The following PIWIL2 variants were observed in gnomAD, a reference collection of about 807,000 sequenced individuals.
PIWIL2 encodes the protein piwi-like protein 2.
A neutral mutation model predicts 116.5 loss-of-function variants in PIWIL2; 81 were observed. The ratio of observed to expected loss-of-function variants is 0.70; its 90% CI spans 0.58 to 0.84. The LOEUF is 0.84. Ranked by LOEUF, PIWIL2 falls within the 40% of genes least tolerant of loss-of-function variation. The pLI is 0.00. For synonymous variants in PIWIL2, 489 were observed against 429.5 expected (o/e 1.14, Z -1.71); for missense variants, 1,272 against 1,212.3 (o/e 1.05, Z -0.73).
At chr8:22,299,059 T>C (rs1236538360) in intron 10 of PIWIL2, among the ~76,000 whole-genome samples, 1 of 152,210 alleles carries the variant, frequency 6.6e-6, no homozygotes, top group Admixed American at 6.5e-5. Flanking sequence ...TTTTCCAGTT[T>C]GTGGGAATTT....
At chr8:22,313,410 T>C (rs906476077) in intron 16 of PIWIL2, among the ~76,000 whole-genome samples, 3 of 152,250 alleles carry the variant, frequency 2.0e-5, no homozygotes, top group African/African-American at 7.2e-5. Flanking sequence ...TGGAATTGCA[T>C]ATGTGTGTAT....
At chr8:22,289,760 A>T (rs1358363680) in intron 8 of PIWIL2, 87 bp from the exon 9 acceptor site, 2 of 790,410 alleles carry the variant, frequency 2.5e-6, no homozygotes, top group Non-Finnish European at 4.4e-6. Context: ...AACCGTTCAG[A>T]CTTCCAAAGG....
At chr8:22,289,222 G>A (rs749359565) in intron 8 of PIWIL2, among the ~76,000 whole-genome samples, 13 of 148,484 alleles carry the variant, frequency 8.8e-5, no homozygotes, top group African/African-American at 1.2e-4. Flanking sequence ...GCGCAATCCC[G>A]GCTCACTGCA....
In PIWIL2 at chr8:22,283,193, G is replaced by A. The variant is rs1035995081; in HGVS notation, c.585G>A (p.Leu195=). The A allele has an allele frequency of 6.2e-7, 1 of 1,614,022 alleles. No individual in the cohort carries two copies. Among genetic ancestry groups the A allele is most frequent in the Non-Finnish European group, 8.5e-7 (1 of 1,179,934 alleles). Reference sequence around the variant, plus strand: ...CACCAGCTCTGCCCCAGTCTCCCCTGCACTCTCCAGATCGCCCTCTGGTCC... The same window carrying A: ...CACCAGCTCTGCCCCAGTCTCCCCTACACTCTCCAGATCGCCCTCTGGTCC... The part of the protein sequence containing the change: ...SSPPALPQSP[L]HSPDRPLVLT... Residue 195 remains leucine (L), a synonymous_variant, in exon 5 of 23, where the codon CTG becomes CTA. Coordinates refer to ENST00000356766, the MANE Select transcript of PIWIL2 (RefSeq NM_018068.5).
chr8:22,303,372 A>G (rs1045066967), intron 10 of PIWIL2, among the ~76,000 whole-genome samples: 3 of 152,160 alleles, frequency 2.0e-5, no homozygotes, highest in Admixed American at 6.5e-5. Context: ...GAGTATTTCA[A>G]AGTACGAAAT....
Position 22,355,588 on chromosome 8 carries a change from A to AATTC in PIWIL2, c.*84_*85insTTCA. ...ACTCTTGCAGAATCAACAGAGACTG[A>AATTC]AGTGGGCTTTTGTGTTATAATTTTC... On this transcript the variant is annotated 3_prime_UTR_variant, in exon 23 of 23. Coordinates refer to ENST00000356766, the MANE Select transcript of PIWIL2 (RefSeq NM_018068.5). 8.0e-7 allele frequency: 1 copy of AATTC among 1,253,138 alleles called. No homozygotes were observed. Among genetic ancestry groups the AATTC allele is most frequent in the Non-Finnish European group, 1.1e-6 (1 of 881,988 alleles). The allele number at this position is 1,253,138 out of a possible 1,614,324, so 77.6% of individuals were successfully genotyped here.
At chr8:22,294,108 C>T (rs1457070913) in intron 10 of PIWIL2, among the ~76,000 whole-genome samples, 3 of 151,974 alleles carry the variant, frequency 2.0e-5, no homozygotes, top group Admixed American at 6.6e-5. Context: ...GAGGCCGAGG[C>T]GGGAGGATCA....
At chr8:22,283,358 C>T (rs1830557198) in intron 5 of PIWIL2, 118 bp downstream of exon 5, 8 of 735,166 alleles carry the variant, frequency 1.1e-5, no homozygotes, top group South Asian at 4.9e-5. Context: ...AATAATACTG[C>T]GGGGTGTTTT....
At chr8:22,311,896 T>G (rs1831340636) in intron 16 of PIWIL2, among the ~76,000 whole-genome samples, 1 of 152,210 alleles carries the variant, frequency 6.6e-6, no homozygotes, top group Admixed American at 6.5e-5. Flanking sequence ...TCTGGTAAAT[T>G]GTTCTGGTGA....
rs191867666 is a variant in PIWIL2, at chr8:22,338,535, G to T, written c.2404-14424G>T. 2.2e-3 allele frequency among the ~76,000 whole-genome samples: 331 copies of T among 151,670 alleles called. 1 individual carries two copies. Among genetic ancestry groups the T allele is most frequent in the African/African-American group, 5.9e-3 (242 of 41,352 alleles). On this transcript the variant is annotated intron_variant, in intron 20 of 22. Transcript: ENST00000356766. ...GCAAAACCCCATCTCTACTAAAAAC[G>T]CAAAAGAACAGCTGGGTGTGGTGGT...
At chr8:22,347,363 C>T (rs955784400) in intron 20 of PIWIL2, among the ~76,000 whole-genome samples, 4 of 151,434 alleles carry the variant, frequency 2.6e-5, no homozygotes, top group African/African-American at 7.3e-5. Context: ...TACAGGTGCC[C>T]GCCACCACAC....
chr8:22,317,639 T>C (rs924855880), intron 19 of PIWIL2, among the ~76,000 whole-genome samples: 12 of 151,836 alleles, frequency 7.9e-5, no homozygotes, highest in Non-Finnish European at 1.5e-4. Context: ...AATTACACTT[T>C]TTTTAAATTT....
rs192642581 is a variant in PIWIL2 at position 22,350,669 on chromosome 8, G to A, written c.2404-2290G>A. Among the ~76,000 whole-genome samples the A allele has an allele frequency of 4.3e-4, 66 of 152,248 alleles. 1 individual carries two copies. The highest frequency in any genetic ancestry group is 1.6e-3 in the African/African-American group (65 of 41,544). ...GAAGATGAATTACATACTTGTAAAT[G>A]TAGTGCTTGAGGCTTCTTAGGAAAA... On this transcript the variant is annotated intron_variant, in intron 20 of 22. Coordinates refer to ENST00000356766, the MANE Select transcript of PIWIL2 (RefSeq NM_018068.5).
chr8:22,283,655 C>G (rs544121531), intron 5 of PIWIL2, among the ~76,000 whole-genome samples: 1 of 152,152 alleles, frequency 6.6e-6, no homozygotes, highest in Non-Finnish European at 1.5e-5. Context: ...GTGATCCACC[C>G]GCCTCGGCCT....
intron 20 of PIWIL2, among the ~76,000 whole-genome samples, chr8:22,332,303 CTG>C (rs1831880502): frequency 1.3e-5 from 2 of 152,050 alleles, no homozygotes; most frequent in Non-Finnish European, 2.9e-5. Flanking sequence ...CAGTGAGACT[CTG>C]TCTCTCAAAA....
At chr8:22,327,172 G>A (rs1452218993) in intron 20 of PIWIL2, among the ~76,000 whole-genome samples, 34 of 150,906 alleles carry the variant, frequency 2.3e-4, no homozygotes, top group Admixed American at 2.2e-3. Context: ...GGGATTCCAG[G>A]TGCACGCCAC....
chr8:22,327,024 C>CTTTTTTTTTTTTTTTT, intron 20 of PIWIL2, among the ~76,000 whole-genome samples: 1 of 105,470 alleles, frequency 9.5e-6, no homozygotes, highest in Non-Finnish European at 1.8e-5. Flanking sequence ...TGTTTTTTTA[C>CTTTTTTTTTTTTTTTT]TTTTTTTTTT....
chr8:22,349,247 T>C (rs1282255834), intron 20 of PIWIL2, among the ~76,000 whole-genome samples: 5 of 150,836 alleles, frequency 3.3e-5, no homozygotes, highest in Non-Finnish European at 1.5e-5. Context: ...CCTCAAGTCA[T>C]CCGCCTGCCT....
intron 10 of PIWIL2, 113 bp from the exon 11 acceptor site, chr8:22,303,908 C>G: frequency 1.8e-6 from 1 of 571,422 alleles, no homozygotes; most frequent in Non-Finnish European, 3.0e-6. Context: ...ACAACTGGAG[C>G]CTTCTGGTGC....
Sources: gnomAD v4.1 joint callset for allele counts (sites outside exome capture counted in the v4.1 genomes callset) on GRCh38, gnomAD v4.1.1 for gene constraint, MANE v1.5 for transcripts, NCBI Gene and HGNC (gene_info 2026-07-23, HGNC 2026-07-21) for gene names.